Variants in ATP2B3 observed in about 807,000 individuals in gnomAD.
The protein encoded by ATP2B3 is ATPase plasma membrane Ca2+ transporting 3.
In ATP2B3, 12 loss-of-function variants were observed where a neutral mutation model predicts 70.8. That is an observed-to-expected ratio of 0.17 (90% CI 0.11 to 0.27). ATP2B3 has a LOEUF of 0.27. Among genes scored for constraint, ATP2B3 ranks in the 10% least tolerant of loss-of-function variants. The probability of loss-of-function intolerance (pLI) is 1.00; values close to 1 mark genes in which losing one functional copy is unlikely to be tolerated. For missense variants in ATP2B3, 858 were observed against 1,118.5 expected, an observed-to-expected ratio of 0.77 and a Z score of 3.32; for synonymous variants, 460 against 497.8, an observed-to-expected ratio of 0.92 and a Z score of 1.01.
intron 2 of ATP2B3, among the ~76,000 whole-genome samples, chrX:153,522,077 C>T (rs1230217828): frequency 8.9e-6 from 1 of 112,303 alleles, no homozygotes; most frequent in Non-Finnish European, 1.9e-5. Context: ...GTGGGACAGG[C>T]TCCAGTCTGA....
chrX:153,527,764 C>T (rs868919457), intron 2 of ATP2B3, among the ~76,000 whole-genome samples: 4 of 112,656 alleles, frequency 3.6e-5, no homozygotes, highest in Admixed American at 2.8e-4. Context: ...CTGACTTCAC[C>T]GGTCGAGCTT....
intron 21 of ATP2B3, chrX:153,569,516 G>A (rs1288764055): frequency 1.4e-5 from 15 of 1,049,447 alleles, no homozygotes; most frequent in Non-Finnish European, 1.3e-6. Flanking sequence ...GTGCCCAGTG[G>A]TGGCCCCTAT....
At chrX:153,520,188 C>T (rs2089938061) in intron 2 of ATP2B3, among the ~76,000 whole-genome samples, 1 of 112,503 alleles carries the variant, frequency 8.9e-6, no homozygotes, top group Non-Finnish European at 1.9e-5. Flanking sequence ...AACGTCTGCT[C>T]CCAGCCCAGG....
chrX:153,548,749 A>G lies in ATP2B3; in HGVS notation c.1233A>G (p.Val411=), dbSNP rs782433621. Reference sequence around the variant, plus strand: ...TGGCAGAGTGCACGCCGGTCTATGTACAATACTTCGTGAAGTTCTTCATCA... The same window carrying G: ...TGGCAGAGTGCACGCCGGTCTATGTGCAATACTTCGTGAAGTTCTTCATCA... ...TWLAECTPVY[V]QYFVKFFIIG... The change falls in exon 10 of 22, where the codon GTA becomes GTG. Residue 411 remains valine, a synonymous_variant. Coordinates refer to ENST00000263519, the MANE Select transcript of ATP2B3 (RefSeq NM_001001344.3). 13 of 1,209,744 alleles carry G rather than the reference A, an allele frequency of 1.1e-5. No homozygotes were observed. The highest frequency in any genetic ancestry group is 1.8e-5 in the African/African-American group (1 of 56,986).
chrX:153,575,481 G>A (rs1170974857), intron 21 of ATP2B3, among the ~76,000 whole-genome samples: 2 of 112,449 alleles, frequency 1.8e-5, no homozygotes, highest in Non-Finnish European at 3.8e-5. Context: ...AAAGAGGGCA[G>A]AGTGAGAAAG....
rs1557010461 is a variant in ATP2B3, at chrX:153,549,618, A to G, written c.1460A>G (p.Gln487Arg). ...ACCACCAACCGTATGACCGTGGTCCAGTCCTACCTAGGAGACACCCACTAC... is the reference window on the plus strand; with the variant it reads ...ACCACCAACCGTATGACCGTGGTCCGGTCCTACCTAGGAGACACCCACTAC... ...TLTTNRMTVV[Q>R]SYLGDTHYKE... The change falls in exon 11 of 22, where the codon CAG (glutamine) becomes CGG (arginine). Residue 487 changes from glutamine (Q) to arginine (R), a missense_variant. Gln to Arg is a conservative substitution (Grantham distance 43, BLOSUM62 1). Coordinates refer to ENST00000263519, the MANE Select transcript of ATP2B3 (RefSeq NM_001001344.3). 8.2e-7 allele frequency: 1 copy of G among 1,212,493 alleles called. No individual in the cohort carries two copies. The highest frequency in any genetic ancestry group is 1.1e-6 in the Non-Finnish European group (1 of 895,664).
At chrX:153,534,214 G>A (rs1274838076) in intron 2 of ATP2B3, among the ~76,000 whole-genome samples, 2 of 111,570 alleles carry the variant, frequency 1.8e-5, no homozygotes, top group Non-Finnish European at 3.8e-5. Context: ...AGGCTGTCTC[G>A]AGAAGACGAG....
At chrX:153,526,459 G>T (rs1490773110) in intron 2 of ATP2B3, among the ~76,000 whole-genome samples, 1 of 111,963 alleles carries the variant, frequency 8.9e-6, no homozygotes, top group Non-Finnish European at 1.9e-5. Context: ...GGAACTTGGT[G>T]GTGCTTCCTC....
intron 11 of ATP2B3, 79 bp from the exon 12 acceptor site, chrX:153,549,966 G>T: frequency 1.7e-6 from 2 of 1,170,104 alleles, no homozygotes; most frequent in Non-Finnish European, 2.3e-6. Flanking sequence ...GACCACGAGG[G>T]GGCAGAGCTG....
At chrX:153,559,651 C>T (rs1435266741) in intron 17 of ATP2B3, 78 bp from the exon 18 acceptor site, 1 of 908,319 alleles carries the variant, frequency 1.1e-6, no homozygotes, top group African/African-American at 1.9e-5. Context: ...ATGAGGAGCC[C>T]CCAGGAGCTA....
chrX:153,521,749 G>A (rs781920872), intron 2 of ATP2B3, among the ~76,000 whole-genome samples: 9 of 111,862 alleles, frequency 8.0e-5, no homozygotes, highest in Non-Finnish European at 1.5e-4. Context: ...TCCAAGCAGC[G>A]ATTTTATTAG....
At chrX:153,550,343 G>A (rs73245897) in intron 12 of ATP2B3, 57 bp downstream of exon 12, 59,903 of 1,195,997 alleles carry the variant, frequency 0.05, 1,161 homozygotes, top group South Asian at 0.073. Flanking sequence ...TTCTATTGTC[G>A]TGGTAAAAGA....
At chrX:153,532,743 G>T (rs1322827016) in intron 2 of ATP2B3, among the ~76,000 whole-genome samples, 3 of 112,198 alleles carry the variant, frequency 2.7e-5, no homozygotes, top group Non-Finnish European at 5.6e-5. Context: ...CCCTTTTGGT[G>T]CCTACAGACC....
chrX:153,537,477 C>G (rs1319153453), intron 3 of ATP2B3, among the ~76,000 whole-genome samples: 1 of 113,614 alleles, frequency 8.8e-6, no homozygotes, highest in African/African-American at 3.2e-5. Context: ...TCTCTTGTGG[C>G]TCCGGCCTCG....
chrX:153,536,752 A>ACAGGG lies in ATP2B3; in HGVS notation c.208+313_208+317dup, dbSNP rs781794038. The stretch of plus-strand genomic sequence containing the variant: ...CCCCAAACAGAAACCCTTCCGAGGA[A>ACAGGG]CAGGGCAGGGCAGGGCAGGGAGGAG... On this transcript the variant is annotated intron_variant, in intron 3 of 21. Transcript: ENST00000263519. Among the ~76,000 whole-genome samples the ACAGGG allele has an allele frequency of 1.1e-4, 12 of 112,425 alleles. No individual in the cohort carries two copies. The East Asian group carries it at 1.4e-3, about 13-fold the overall frequency.
chrX:153,546,225 G>A, intron 8 of ATP2B3, 96 bp downstream of exon 8: 1 of 1,046,395 alleles, frequency 9.6e-7, no homozygotes, highest in Non-Finnish European at 1.3e-6. Flanking sequence ...CTGCCTCGGT[G>A]GCAGGAGCAA....
At chrX:153,575,970 C>T (rs1191225985) in intron 21 of ATP2B3, among the ~76,000 whole-genome samples, 5 of 111,800 alleles carry the variant, frequency 4.5e-5, no homozygotes, top group Admixed American at 2.8e-4. Context: ...GGAGCCACCT[C>T]GCCTCACCCG....
rs1011437397 is a variant in ATP2B3 at position 153,562,338 on chromosome X, C to T, written c.3159+96C>T. 66 of 815,030 alleles carry T rather than the reference C, an allele frequency of 8.1e-5. No individual in the cohort carries two copies. The African/African-American group carries it at 1.1e-3, about 13-fold the overall frequency. 67.2% of individuals were successfully genotyped at this position (815,030 alleles called of 1,213,427 possible). ...AACCCTGCTTCAGAGCCTTGGGGTC[C>T]TCACCCTAGGAAGCACACTGAGGGC... On this transcript the variant is annotated intron_variant, in intron 20 of 21. Coordinates refer to ENST00000263519, the MANE Select transcript of ATP2B3 (RefSeq NM_001001344.3).
intron 3 of ATP2B3, among the ~76,000 whole-genome samples, chrX:153,536,840 G>C (rs1197824606): frequency 8.9e-6 from 1 of 112,563 alleles, no homozygotes; most frequent in Non-Finnish European, 1.9e-5. Flanking sequence ...TTCACTTAAG[G>C]GGGATCAGAA....
Sources: allele counts gnomAD v4.1 joint callset (sites outside exome capture counted in the v4.1 genomes callset), GRCh38; gene constraint gnomAD v4.1.1; transcripts MANE v1.5; gene names NCBI Gene and HGNC (gene_info 2026-07-23, HGNC 2026-07-21).